The following CAB39 variants were observed in gnomAD, a reference collection of about 807,000 sequenced individuals.
CAB39 encodes the protein calcium-binding protein 39.
In CAB39, 8 loss-of-function variants were observed where a neutral mutation model predicts 40.0. That is an observed-to-expected ratio of 0.20 (90% CI 0.12 to 0.36). The LOEUF is 0.36. CAB39 is among the 10% of genes least tolerant of loss of function. The pLI is 1.00. For synonymous variants in CAB39, 156 were observed against 141.6 expected (o/e 1.10, Z -0.72); for missense variants, 270 against 401.1 (o/e 0.67, Z 2.79).
intron 1 of CAB39, among the ~76,000 whole-genome samples, chr2:230,733,991 C>T (rs1365759973): frequency 6.6e-6 from 1 of 152,018 alleles, no homozygotes; most frequent in Non-Finnish European, 1.5e-5. Flanking sequence ...GATATCCATC[C>T]CCAAAAGTAG....
At chr2:230,753,459 A>G (rs1411478174) in intron 1 of CAB39, among the ~76,000 whole-genome samples, 2 of 152,324 alleles carry the variant, frequency 1.3e-5, no homozygotes, top group Admixed American at 6.5e-5. Flanking sequence ...GAGGTTTATT[A>G]TAAACCATTT....
At chr2:230,732,836 G>A (rs573967716) in intron 1 of CAB39, among the ~76,000 whole-genome samples, 5 of 152,270 alleles carry the variant, frequency 3.3e-5, no homozygotes, top group Admixed American at 2.6e-4. Context: ...TGGTTAGTGG[G>A]AGGTTGAAAA....
At chr2:230,721,474 A>G (rs1286738359) in intron 1 of CAB39, among the ~76,000 whole-genome samples, 2 of 152,202 alleles carry the variant, frequency 1.3e-5, no homozygotes, top group African/African-American at 2.4e-5. Flanking sequence ...GAGATGAAAT[A>G]CTTAACCAAA....
chr2:230,730,478 C>G (rs1216816259), intron 1 of CAB39, among the ~76,000 whole-genome samples: 1 of 145,812 alleles, frequency 6.9e-6, no homozygotes, highest in African/African-American at 2.6e-5. Flanking sequence ...AAGTCTCGCT[C>G]TTGTGCCCCA....
At chr2:230,713,625 C>A (rs946024913) in intron 1 of CAB39, 1 of 152,338 alleles carries the variant, frequency 6.6e-6, no homozygotes, top group African/African-American at 2.4e-5. Flanking sequence ...GCTCCCGCCC[C>A]TGGTAAACTT....
intron 2 of CAB39, among the ~76,000 whole-genome samples, chr2:230,784,912 A>G (rs1258695781): frequency 6.6e-6 from 1 of 152,204 alleles, no homozygotes; most frequent in African/African-American, 2.4e-5. Flanking sequence ...TGGCTGGGAT[A>G]GGACCTCACA....
At chr2:230,717,145 C>G (rs1694364778) in intron 1 of CAB39, among the ~76,000 whole-genome samples, 1 of 152,000 alleles carries the variant, frequency 6.6e-6, no homozygotes, top group South Asian at 2.1e-4. Context: ...ATTTGGATAA[C>G]AGAAAAACTG....
intron 1 of CAB39, among the ~76,000 whole-genome samples, chr2:230,718,723 T>G (rs1694396324): frequency 6.6e-6 from 1 of 152,178 alleles, no homozygotes; most frequent in African/African-American, 2.4e-5. Context: ...GGGGAGAAAC[T>G]TTAGAACTTC....
At chr2:230,808,190 G>A (rs1175834175) in intron 5 of CAB39, among the ~76,000 whole-genome samples, 2 of 151,806 alleles carry the variant, frequency 1.3e-5, no homozygotes. Context: ...GGGTTCAAGC[G>A]ATTCTCCTGC....
At chr2:230,727,297 T>TA (rs1316319797) in intron 1 of CAB39, among the ~76,000 whole-genome samples, 2 of 151,680 alleles carry the variant, frequency 1.3e-5, no homozygotes, top group Non-Finnish European at 2.9e-5. Context: ...GGGGATATTT[T>TA]AAATGTGTGT....
At chr2:230,727,416 C>CTT (rs1254776167) in intron 1 of CAB39, among the ~76,000 whole-genome samples, 79 of 84,742 alleles carry the variant, frequency 9.3e-4, no homozygotes, top group African/African-American at 2.8e-3. Flanking sequence ...TTTTCTTTTT[C>CTT]TTTTTTTTTT....
chr2:230,749,664 C>G (rs1255570385), intron 1 of CAB39, among the ~76,000 whole-genome samples: 1 of 152,072 alleles, frequency 6.6e-6, no homozygotes, highest in African/African-American at 2.4e-5. Flanking sequence ...TCCTCAGAAG[C>G]ATTGATTTTA....
At chr2:230,809,144 G>A (rs1165343508) in intron 5 of CAB39, among the ~76,000 whole-genome samples, 1 of 152,176 alleles carries the variant, frequency 6.6e-6, no homozygotes, top group Non-Finnish European at 1.5e-5. Flanking sequence ...GCCCTTTCGG[G>A]AAGGGCTTTC....
At chr2:230,792,087 A>T (rs1255644167) in intron 3 of CAB39, among the ~76,000 whole-genome samples, 2 of 152,236 alleles carry the variant, frequency 1.3e-5, no homozygotes, top group Non-Finnish European at 2.9e-5. Context: ...AGTTGAGTAT[A>T]ATACTGTTAA....
At chr2:230,816,246 C>G (rs550483500) in intron 7 of CAB39, among the ~76,000 whole-genome samples, 2 of 152,148 alleles carry the variant, frequency 1.3e-5, no homozygotes, top group African/African-American at 4.8e-5. Context: ...GCACTCCAGC[C>G]TTTGTGACAG....
intron 2 of CAB39, among the ~76,000 whole-genome samples, chr2:230,770,183 A>G (rs1034567270): frequency 6.6e-6 from 1 of 152,132 alleles, no homozygotes; most frequent in African/African-American, 2.4e-5. Flanking sequence ...CAAATCAGTT[A>G]AATAGAAAAA....
intron 1 of CAB39, among the ~76,000 whole-genome samples, chr2:230,743,916 C>CT (rs1184035557): frequency 0.18 from 23,572 of 127,664 alleles, 3,552 homozygotes; most frequent in African/African-American, 0.42. Context: ...ATACATGATA[C>CT]TTTTTTTTTT....
Position 230,745,015 on chromosome 2 carries a change from A to G in CAB39, c.-43-14944A>G, listed in dbSNP as rs150529839. Among the ~76,000 whole-genome samples, 1,278 of 152,376 alleles carry G rather than the reference A, an allele frequency of 8.4e-3. 9 individuals carry two copies. The highest frequency in any genetic ancestry group is 0.024 in the African/African-American group (997 of 41,594). ...ATTTCATAAACATTCATAATTTGAC[A>G]TTTCTCATTTACTATAAAGAAAATT... On this transcript the variant is annotated intron_variant, in intron 1 of 8. Coordinates refer to ENST00000258418, the MANE Select transcript of CAB39 (RefSeq NM_016289.4).
At chr2:230,792,781 A>G (rs1003520327) in intron 3 of CAB39, among the ~76,000 whole-genome samples, 1 of 152,144 alleles carries the variant, frequency 6.6e-6, no homozygotes, top group African/African-American at 2.4e-5. Context: ...AGCAGAGTAT[A>G]TTTTCCTCTC....
Sources: gnomAD v4.1 joint callset for allele counts (sites outside exome capture counted in the v4.1 genomes callset) on GRCh38, gnomAD v4.1.1 for gene constraint, MANE v1.5 for transcripts, NCBI Gene and HGNC (gene_info 2026-07-23, HGNC 2026-07-21) for gene names.